The following SEPTIN7 variants were observed in gnomAD, a reference collection of about 807,000 sequenced individuals.
SEPTIN7 encodes septin 7.
Under a neutral mutation model 63.3 loss-of-function variants are expected in SEPTIN7, and 10 were observed. The observed-to-expected ratio is 0.16, with a 90% CI of 0.10 to 0.27. SEPTIN7 has a LOEUF of 0.27. SEPTIN7 is among the 10% of genes least tolerant of loss of function. SEPTIN7 has a pLI of 1.00. For synonymous variants in SEPTIN7, 131 were observed against 165.3 expected (o/e 0.79, Z 1.59); for missense variants, 310 against 521.0 (o/e 0.59, Z 3.94).
At chr7:35,890,261 A>T (rs1787552263) in intron 10 of SEPTIN7, among the ~76,000 whole-genome samples, 3 of 152,192 alleles carry the variant, frequency 2.0e-5, no homozygotes, top group Non-Finnish European at 4.4e-5. Flanking sequence ...GTATTAATAA[A>T]AACTCATATA....
intron 3 of SEPTIN7, among the ~76,000 whole-genome samples, chr7:35,859,862 A>G (rs1785411206): frequency 6.6e-6 from 1 of 152,036 alleles, no homozygotes; most frequent in Non-Finnish European, 1.5e-5. Context: ...CTTTGAACCT[A>G]TGTGTTTTCT....
chr7:35,903,116 C>T lies in SEPTIN7; in HGVS notation c.1175C>T (p.Ala392Val), dbSNP rs1307377344. ...GAGCAAATGAAAAAGAATTTGGAAG[C>T]ACAGCACAAAGAATTGGAGGAAAAA... ...RHEQMKKNLE[A>V]QHKELEEKRR... The change falls in exon 13 of 14, where the codon GCA becomes GTA. Residue 392 changes from alanine (A) to valine (V), a missense_variant. Coordinates refer to ENST00000350320, the MANE Select transcript of SEPTIN7 (RefSeq NM_001788.6). 5.1e-6 allele frequency: 8 copies of T among 1,577,950 alleles called. No homozygotes were observed. Among genetic ancestry groups the T allele is most frequent in the Non-Finnish European group, 6.9e-6 (8 of 1,162,858 alleles).
intron 11 of SEPTIN7, among the ~76,000 whole-genome samples, chr7:35,897,088 C>G (rs578235411): frequency 6.6e-6 from 1 of 152,048 alleles, no homozygotes; most frequent in Non-Finnish European, 1.5e-5. Context: ...AATGACTAGC[C>G]TTAAAGTTAC....
chr7:35,847,076 G>C (rs939156780), intron 3 of SEPTIN7: 3 of 185,360 alleles, frequency 1.6e-5, no homozygotes, highest in African/African-American at 7.0e-5. Context: ...CTACATTAGA[G>C]CAGTGTCTCT....
rs1562558328 is a variant in SEPTIN7, at chr7:35,863,676, G to A, written c.276+18G>A. 3 of 1,235,386 alleles carry A rather than the reference G, an allele frequency of 2.4e-6. No homozygotes were observed. The highest frequency in any genetic ancestry group is 3.4e-6 in the Non-Finnish European group (3 of 878,880). 76.5% of individuals were successfully genotyped at this position (1,235,386 alleles called of 1,614,324 possible). On this transcript the variant is annotated intron_variant, in intron 4 of 13. Coordinates refer to ENST00000350320, the MANE Select transcript of SEPTIN7 (RefSeq NM_001788.6). Reference sequence around the variant, plus strand: ...CTGTACAGGTATGGATATTAGTATTGTTAATTGATAAGCTGGAATAATATT... The same window carrying A: ...CTGTACAGGTATGGATATTAGTATTATTAATTGATAAGCTGGAATAATATT...
intron 1 of SEPTIN7, among the ~76,000 whole-genome samples, chr7:35,802,423 A>C (rs1240927052): frequency 6.6e-6 from 1 of 152,270 alleles, no homozygotes; most frequent in Non-Finnish European, 1.5e-5. Flanking sequence ...ATAATAACTT[A>C]CTACATTTCT....
intron 12 of SEPTIN7, 86 bp downstream of exon 12, chr7:35,898,469 CT>C: frequency 1.2e-6 from 1 of 850,126 alleles, no homozygotes; most frequent in South Asian, 2.2e-5. Flanking sequence ...ATAATATAAC[CT>C]TTTTATACAT....
chr7:35,801,091 T>A lies in SEPTIN7; in HGVS notation c.-119T>A. 1 of 719,486 alleles carries A rather than the reference T, an allele frequency of 1.4e-6. No homozygotes were observed. The highest frequency in any genetic ancestry group is 2.2e-5 in the South Asian group (1 of 44,672). 44.6% of individuals were successfully genotyped at this position (719,486 alleles called of 1,614,324 possible). A position where few individuals can be genotyped will look rare whatever the true frequency, so the allele number is the denominator to read the frequency against. The stretch of plus-strand genomic sequence containing the variant: ...AGAGCCTGTGGAGGAGTCCGCCTGC[T>A]GTAGCGTGCGTAAGCAAGGCAGCTA... On this transcript the variant is annotated 5_prime_UTR_variant, in exon 1 of 14. Transcript: ENST00000350320.
At chr7:35,855,887 G>A (rs550041973) in intron 3 of SEPTIN7, among the ~76,000 whole-genome samples, 23 of 152,014 alleles carry the variant, frequency 1.5e-4, no homozygotes, top group East Asian at 1.2e-3. Context: ...TTTTTTCAGC[G>A]CTTGATTTAT....
At chr7:35,838,360 C>G (rs1583538488) in intron 3 of SEPTIN7, among the ~76,000 whole-genome samples, 1 of 26,468 alleles carries the variant, frequency 3.8e-5, no homozygotes, top group South Asian at 1.8e-3. Context: ...CTCCCTCCCT[C>G]CCTCCTCCCT....
chr7:35,895,753 A>G (rs1476169862), intron 11 of SEPTIN7, among the ~76,000 whole-genome samples: 1 of 152,140 alleles, frequency 6.6e-6, no homozygotes, highest in Non-Finnish European at 1.5e-5. Context: ...TTTAGGTATG[A>G]TACAGTTGAA....
At chr7:35,868,254 C>T (rs1456536163) in intron 4 of SEPTIN7, among the ~76,000 whole-genome samples, 7 of 152,132 alleles carry the variant, frequency 4.6e-5, no homozygotes, top group African/African-American at 1.7e-4. Flanking sequence ...GCAGTATGTA[C>T]TTCTCTGGGG....
rs185137710 is a variant in SEPTIN7 at position 35,843,092 on chromosome 7, T to C, written c.169+10192T>C. On this transcript the variant is annotated intron_variant, in intron 3 of 13. Transcript: ENST00000350320. ...CCATTATCTTCCATATGTGTACTTA[T>C]TTGATCAATCCCCCTGTAATTAATC... Among the ~76,000 whole-genome samples, 43 of 152,334 alleles carry C rather than the reference T, an allele frequency of 2.8e-4. 1 individual carries two copies. In the East Asian group the frequency reaches 6.6e-3, roughly 23 times the overall value.
chr7:35,821,951 A>G (rs938390781), intron 1 of SEPTIN7, among the ~76,000 whole-genome samples: 4 of 152,078 alleles, frequency 2.6e-5, no homozygotes, highest in African/African-American at 4.8e-5. Flanking sequence ...TTGTGTTTTT[A>G]GTAGAGACGG....
At chr7:35,892,287 A>G (rs1292964185) in intron 11 of SEPTIN7, among the ~76,000 whole-genome samples, 1 of 152,168 alleles carries the variant, frequency 6.6e-6, no homozygotes, top group Non-Finnish European at 1.5e-5. Flanking sequence ...TTAAAATACA[A>G]GATTCTGTTT....
chr7:35,911,240 C>T (rs1788735296), downstream of SEPTIN7, among the ~76,000 whole-genome samples: 1 of 152,190 alleles, frequency 6.6e-6, no homozygotes, highest in South Asian at 2.1e-4. Context: ...TGTGAGTATT[C>T]CTTCAATAAG....
chr7:35,847,489 A>T (rs1784738231), intron 3 of SEPTIN7: 1 of 152,942 alleles, frequency 6.5e-6, no homozygotes, highest in African/African-American at 2.4e-5. Context: ...GGTATTTGCT[A>T]ATTTGGTATT....
chr7:35,870,881 A>C (rs1786104135), intron 4 of SEPTIN7, among the ~76,000 whole-genome samples: 2 of 151,704 alleles, frequency 1.3e-5, no homozygotes, highest in African/African-American at 4.8e-5. Context: ...CACACTGATG[A>C]ATCTGATTGT....
chr7:35,878,384 C>T (rs1175993949), intron 6 of SEPTIN7, among the ~76,000 whole-genome samples: 1 of 152,034 alleles, frequency 6.6e-6, no homozygotes, highest in Admixed American at 6.6e-5. Context: ...GAAAGGCTGG[C>T]ACATTGGAAG....
Sources: allele counts gnomAD v4.1 joint callset (sites outside exome capture counted in the v4.1 genomes callset), GRCh38; gene constraint gnomAD v4.1.1; transcripts MANE v1.5; gene names NCBI Gene and HGNC (gene_info 2026-07-23, HGNC 2026-07-21).